Variants in UMAD1 observed in about 807,000 individuals in gnomAD.
The protein encoded by UMAD1 is UBAP1-MVB12-associated (UMA)-domain containing protein 1.
In UMAD1, 8 loss-of-function variants were observed where a neutral mutation model predicts 6.1. The observed-to-expected ratio is 1.30, with a 90% CI of 0.76 to 2.35. The LOEUF is 2.35. Ranked by LOEUF, UMAD1 falls within the 30% of genes most tolerant of loss-of-function variation. UMAD1 has a pLI of 0.00. For missense variants in UMAD1, 130 were observed against 78.4 expected, an observed-to-expected ratio of 1.66 and a Z score of -2.49; for synonymous variants, 56 against 31.4, an observed-to-expected ratio of 1.78 and a Z score of -2.61.
chr7:7,843,676 G>A (rs149513938), intron 3 of UMAD1, among the ~76,000 whole-genome samples: 82 of 152,200 alleles, frequency 5.4e-4, no homozygotes, highest in African/African-American at 1.9e-3. Flanking sequence ...TTAAGACCCA[G>A]TAAAAAAGAG....
At position 7,871,653 on chromosome 7, in the gene UMAD1, T is replaced by C. The variant is rs150265483; in HGVS notation, c.157-5628T>C. On this transcript the variant is annotated intron_variant, in intron 3 of 3. Coordinates refer to ENST00000682710, the MANE Select transcript of UMAD1 (RefSeq NM_001302348.2). ...TTGTCTTCATCATCTTCATCTTTTG[T>C]CCCTCTTCACTCATTTTACATAATA... Among the ~76,000 whole-genome samples the C allele has an allele frequency of 2.0e-3, 299 of 152,278 alleles. 1 individual carries two copies. The highest frequency in any genetic ancestry group is 7.0e-3 in the African/African-American group (289 of 41,570).
chr7:7,653,675 C>T (rs1296326400), intron 1 of UMAD1, among the ~76,000 whole-genome samples: 1 of 152,160 alleles, frequency 6.6e-6, no homozygotes, highest in African/African-American at 2.4e-5. Flanking sequence ...TCTGACGCTC[C>T]CAGACCTAGG....
At chr7:7,806,008 C>G (rs1021291560) in intron 3 of UMAD1, among the ~76,000 whole-genome samples, 2 of 152,176 alleles carry the variant, frequency 1.3e-5, no homozygotes, top group East Asian at 3.8e-4. Context: ...GCTAACTGAT[C>G]ATCTAGATTT....
intron 2 of UMAD1, among the ~76,000 whole-genome samples, chr7:7,717,327 A>C (rs1583770285): frequency 6.6e-6 from 1 of 152,022 alleles, no homozygotes; most frequent in South Asian, 2.1e-4. Flanking sequence ...AAAGTGCTGG[A>C]ATTACAGGCA....
At chr7:7,841,220 G>A (rs971326359) in intron 3 of UMAD1, among the ~76,000 whole-genome samples, 1 of 152,122 alleles carries the variant, frequency 6.6e-6, no homozygotes, top group Admixed American at 6.6e-5. Flanking sequence ...TAAAGCTAAT[G>A]TGTACTTGTG....
intron 3 of UMAD1, among the ~76,000 whole-genome samples, chr7:7,874,863 T>C (rs1357655622): frequency 6.6e-6 from 1 of 152,216 alleles, no homozygotes; most frequent in African/African-American, 2.4e-5. Flanking sequence ...GCTGGTCTTT[T>C]CTATTTCCTG....
chr7:7,841,314 C>CT lies in UMAD1; in HGVS notation c.157-35949dup, dbSNP rs35468754. Among the ~76,000 whole-genome samples the CT allele has an allele frequency of 2.2e-3, 297 of 136,784 alleles. 1 individual carries two copies. The highest frequency in any genetic ancestry group is 0.011 in the South Asian group (49 of 4,276). 89.7% of individuals were successfully genotyped at this position (136,784 alleles called of 152,430 possible). ...ACGAACTGTCAATATAACAAGTGAT[C>CT]TTTTTTTTTTTTTTTTTTGAGGCCA... On this transcript the variant is annotated intron_variant, in intron 3 of 3. Transcript: ENST00000682710.
At chr7:7,873,706 G>A (rs1784367702) in intron 3 of UMAD1, among the ~76,000 whole-genome samples, 1 of 152,122 alleles carries the variant, frequency 6.6e-6, no homozygotes, top group Admixed American at 6.5e-5. Context: ...TATTGGAGAT[G>A]CTTTGTGACG....
chr7:7,817,461 T>G (rs1327037927), intron 3 of UMAD1, among the ~76,000 whole-genome samples: 1 of 152,224 alleles, frequency 6.6e-6, no homozygotes, highest in African/African-American at 2.4e-5. Context: ...CTCCTTACCT[T>G]TCGGTGCTAG....
At chr7:7,859,637 A>G (rs1390148600) in intron 3 of UMAD1, among the ~76,000 whole-genome samples, 3 of 152,178 alleles carry the variant, frequency 2.0e-5, no homozygotes, top group African/African-American at 7.2e-5. Flanking sequence ...TGATTCGCTT[A>G]AGGTCACACG....
chr7:7,682,603 A>C (rs372964085), intron 2 of UMAD1, among the ~76,000 whole-genome samples: 1 of 152,164 alleles, frequency 6.6e-6, no homozygotes, highest in Non-Finnish European at 1.5e-5. Flanking sequence ...ACAGTGACAA[A>C]AACTAAACAG....
At chr7:7,776,319 A>T (rs7780743) in intron 2 of UMAD1, among the ~76,000 whole-genome samples, 7,477 of 152,226 alleles carry the variant, frequency 0.049, 606 homozygotes, top group African/African-American at 0.17. Flanking sequence ...AAATATGAAA[A>T]TGCAATCAAT....
intron 2 of UMAD1, among the ~76,000 whole-genome samples, chr7:7,766,868 C>G (rs1781993982): frequency 6.6e-6 from 1 of 152,152 alleles, no homozygotes; most frequent in African/African-American, 2.4e-5. Context: ...CAGATACTGA[C>G]TGCACATTGG....
At chr7:7,834,638 C>G (rs563449524) in intron 3 of UMAD1, among the ~76,000 whole-genome samples, 1 of 152,028 alleles carries the variant, frequency 6.6e-6, no homozygotes, top group East Asian at 2.0e-4. Flanking sequence ...AGAACTCTCT[C>G]CCTCTTCTTC....
chr7:7,801,149 T>C (rs182959096), intron 2 of UMAD1, among the ~76,000 whole-genome samples: 1 of 152,220 alleles, frequency 6.6e-6, no homozygotes, highest in Admixed American at 6.5e-5. Context: ...AAGTATTAAG[T>C]GAAGGCTAGT....
chr7:7,867,455 G>C (rs190540930), intron 3 of UMAD1, among the ~76,000 whole-genome samples: 1 of 152,220 alleles, frequency 6.6e-6, no homozygotes, highest in African/African-American at 2.4e-5. Context: ...TAGACAAAAA[G>C]AATAAGCAGC....
chr7:7,693,208 C>A (rs1016263590), intron 2 of UMAD1, among the ~76,000 whole-genome samples: 2 of 152,146 alleles, frequency 1.3e-5, no homozygotes, highest in Non-Finnish European at 2.9e-5. Context: ...ACTATTACTA[C>A]TGAAATTGTA....
chr7:7,658,013 G>C (rs1785383537), intron 1 of UMAD1, among the ~76,000 whole-genome samples: 1 of 152,116 alleles, frequency 6.6e-6, no homozygotes, highest in South Asian at 2.1e-4. Context: ...AATTCTTCTT[G>C]AAGAGGTCCT....
intron 3 of UMAD1, among the ~76,000 whole-genome samples, chr7:7,827,076 A>G (rs116836318): frequency 0.014 from 2,082 of 151,172 alleles, 41 homozygotes; most frequent in African/African-American, 0.048. Context: ...AAGAAGATGG[A>G]TTAATTCTTT....
Sources: gnomAD v4.1 joint callset for allele counts (sites outside exome capture counted in the v4.1 genomes callset) on GRCh38, gnomAD v4.1.1 for gene constraint, MANE v1.5 for transcripts, NCBI Gene and HGNC (gene_info 2026-07-23, HGNC 2026-07-21) for gene names.